The following CNTLN variants were observed in gnomAD, a reference collection of about 807,000 sequenced individuals.
CNTLN encodes centlein, centrosomal protein.
A neutral mutation model predicts 180.0 loss-of-function variants in CNTLN; 212 were observed. The ratio of observed to expected loss-of-function variants is 1.18; its 90% CI spans 1.05 to 1.32. The LOEUF (loss-of-function observed/expected upper bound fraction) is 1.32. CNTLN is among the 40% of genes most tolerant of loss of function. The pLI is 0.00. For synonymous variants in CNTLN, 722 were observed against 563.1 expected, an observed-to-expected ratio of 1.28 and a Z score of -3.99; for missense variants, 2,095 against 1,610.9, an observed-to-expected ratio of 1.30 and a Z score of -5.14.
intron 5 of CNTLN, among the ~76,000 whole-genome samples, chr9:17,246,737 G>A (rs368675249): frequency 6.6e-5 from 10 of 152,156 alleles, no homozygotes; most frequent in African/African-American, 2.4e-4. Flanking sequence ...TTATGGTTGA[G>A]CTGGCAACCA....
Position 17,135,428 on chromosome 9 carries a change from AT to A in CNTLN, c.360+4del. 6.3e-7 allele frequency: 1 copy of A among 1,592,550 alleles called. No homozygotes were observed. The highest frequency in any genetic ancestry group is 8.5e-7 in the Non-Finnish European group (1 of 1,171,110). ...AGGAGGAGTTGGCCCTGTGTCAGGT[AT>A]CGAGGAGTCTCGCAGTCCCCCTTTC... On this transcript the variant is annotated splice_donor_region_variant and intron_variant, in intron 1 of 25. Coordinates refer to ENST00000380647, the MANE Select transcript of CNTLN (RefSeq NM_017738.4).
chr9:17,488,332 A>G (rs1191968962), intron 25 of CNTLN, among the ~76,000 whole-genome samples: 1 of 152,130 alleles, frequency 6.6e-6, no homozygotes, highest in African/African-American at 2.4e-5. Context: ...GCTTTTGAGA[A>G]CAGAGGCCAT....
At chr9:17,218,479 A>C (rs2132030743) in intron 2 of CNTLN, among the ~76,000 whole-genome samples, 1 of 152,258 alleles carries the variant, frequency 6.6e-6, no homozygotes, top group African/African-American at 2.4e-5. Context: ...ATTCATAAGA[A>C]GAAATACTTA....
At chr9:17,272,172 G>A (rs1827998889) in intron 5 of CNTLN, among the ~76,000 whole-genome samples, 1 of 149,794 alleles carries the variant, frequency 6.7e-6, no homozygotes, top group African/African-American at 2.5e-5. Context: ...CGCCTCCTGG[G>A]TTCAAGCGAT....
chr9:17,499,083 T>G (rs1213183430), intron 25 of CNTLN, among the ~76,000 whole-genome samples: 1 of 152,190 alleles, frequency 6.6e-6, no homozygotes, highest in Non-Finnish European at 1.5e-5. Context: ...TTAAAACATT[T>G]TGCACTCAAA....
In CNTLN at chr9:17,457,632, A is replaced by G; in HGVS notation, c.3223A>G (p.Thr1075Ala). 6.4e-7 allele frequency: 1 copy of G among 1,559,186 alleles called. No individual in the cohort carries two copies. Among genetic ancestry groups the G allele is most frequent in the Non-Finnish European group, 8.7e-7 (1 of 1,150,638 alleles). The change falls in exon 19 of 26, where the codon ACA becomes GCA. Residue 1075 changes from threonine to alanine, a missense_variant. Physicochemically the swap from Thr to Ala is moderately conservative, Grantham distance 58. Coordinates refer to ENST00000380647, the MANE Select transcript of CNTLN (RefSeq NM_017738.4). ...TTTGGCAGAAGAAAATTCCCAGGTA[A>G]CATTTCCACGGATACAAGTTACATC... is the stretch of plus-strand genomic sequence containing the variant. ...TSLAEENSQVTFPRIQVTSLS... is the reference protein window; with the variant it reads ...TSLAEENSQVAFPRIQVTSLS...
At chr9:17,278,336 C>A (rs1484932756) in intron 6 of CNTLN, among the ~76,000 whole-genome samples, 1 of 152,020 alleles carries the variant, frequency 6.6e-6, no homozygotes, top group Non-Finnish European at 1.5e-5. Context: ...TGCATATGAA[C>A]TTTAGAGTAA....
intron 13 of CNTLN, among the ~76,000 whole-genome samples, chr9:17,372,169 C>T (rs1379689521): frequency 6.6e-6 from 1 of 151,848 alleles, no homozygotes; most frequent in South Asian, 2.1e-4. Flanking sequence ...ATCATTAAAA[C>T]AAAAAATTGG....
intron 18 of CNTLN, among the ~76,000 whole-genome samples, chr9:17,416,753 A>G (rs1828285343): frequency 6.6e-6 from 1 of 152,160 alleles, no homozygotes; most frequent in African/African-American, 2.4e-5. Context: ...CACAAGTTTA[A>G]CTTACACTTT....
intron 12 of CNTLN, among the ~76,000 whole-genome samples, chr9:17,349,331 A>G (rs900201889): frequency 6.6e-6 from 1 of 152,104 alleles, no homozygotes; most frequent in Admixed American, 6.6e-5. Flanking sequence ...ATCTAGTTTC[A>G]TACTCAGTCT....
At chr9:17,276,850 T>G (rs973650115) in intron 6 of CNTLN, among the ~76,000 whole-genome samples, 2 of 152,124 alleles carry the variant, frequency 1.3e-5, no homozygotes, top group African/African-American at 4.8e-5. Flanking sequence ...TTGTTTGTAT[T>G]GTTTTGTTGT....
chr9:17,249,752 A>G (rs1308718343), intron 5 of CNTLN, among the ~76,000 whole-genome samples: 1 of 151,300 alleles, frequency 6.6e-6, no homozygotes, highest in Admixed American at 6.6e-5. Context: ...CCTTTGTGTT[A>G]TATTACTGTT....
At chr9:17,168,409 T>C (rs1820222590) in intron 2 of CNTLN, 1 of 152,172 alleles carries the variant, frequency 6.6e-6, no homozygotes, top group Non-Finnish European at 1.5e-5. Flanking sequence ...ATAAGTAATA[T>C]ATGACCTAAT....
In CNTLN at chr9:17,460,359, T is replaced by G. The variant is rs527508575; in HGVS notation, c.3307-2557T>G. ...GGATGACTTTTTACCATTGTGACATTTTTGATGTGTGTGTTTCACATCATA... is the reference window on the plus strand; with the variant it reads ...GGATGACTTTTTACCATTGTGACATGTTTGATGTGTGTGTTTCACATCATA... On this transcript the variant is annotated intron_variant, in intron 19 of 25. Transcript: ENST00000380647. 1.8e-4 allele frequency among the ~76,000 whole-genome samples: 27 copies of G among 151,906 alleles called. No homozygotes were observed. The South Asian group carries it at 5.2e-3, about 29-fold the overall frequency.
intron 15 of CNTLN, among the ~76,000 whole-genome samples, chr9:17,405,236 T>C (rs921939836): frequency 6.6e-6 from 1 of 151,784 alleles, no homozygotes; most frequent in African/African-American, 2.4e-5. Flanking sequence ...TTTTGTGACA[T>C]TCCCCCTCAG....
chr9:17,449,877 G>A (rs1450789430), intron 18 of CNTLN, among the ~76,000 whole-genome samples: 1 of 152,180 alleles, frequency 6.6e-6, no homozygotes, highest in Non-Finnish European at 1.5e-5. Flanking sequence ...CTTGTTAAAT[G>A]TTTTGAGTAT....
rs141863424 is a variant in CNTLN at position 17,454,010 on chromosome 9, G to A, written c.3115-3514G>A. Among the ~76,000 whole-genome samples, 1,207 of 152,202 alleles carry A rather than the reference G, an allele frequency of 7.9e-3. 11 individuals carry two copies. Among genetic ancestry groups the A allele is most frequent in the Non-Finnish European group, 0.012 (812 of 68,008 alleles). On this transcript the variant is annotated intron_variant, in intron 18 of 25. Transcript: ENST00000380647. ...CTACAGAATCCTCTTTGCATATAAC[G>A]TAATGTAATCATGGGAATGATAGCA...
intron 6 of CNTLN, among the ~76,000 whole-genome samples, chr9:17,290,795 C>T (rs1829335833): frequency 6.6e-6 from 1 of 152,040 alleles, no homozygotes; most frequent in Non-Finnish European, 1.5e-5. Flanking sequence ...TCACCCCTTT[C>T]TTTGACTCGG....
At chr9:17,290,335 AGGGACCCACTT>A (rs1482048996) in intron 6 of CNTLN, among the ~76,000 whole-genome samples, 1 of 151,136 alleles carries the variant, frequency 6.6e-6, no homozygotes, top group Admixed American at 6.6e-5. Context: ...GTCAGGGGTC[AGGGACCCACTT>A]GAGGAGGCAG....
Sources: gnomAD v4.1 joint callset for allele counts (sites outside exome capture counted in the v4.1 genomes callset) on GRCh38, gnomAD v4.1.1 for gene constraint, MANE v1.5 for transcripts, NCBI Gene and HGNC (gene_info 2026-07-23, HGNC 2026-07-21) for gene names.